The following GRM7 variants were observed in gnomAD, a reference collection of about 807,000 sequenced individuals.
GRM7 encodes glutamate metabotropic receptor 7.
GRM7 carries 35 observed loss-of-function variants against 84.5 expected under a neutral mutation model. The ratio of observed to expected loss-of-function variants is 0.41; its 90% CI spans 0.32 to 0.55. The LOEUF is 0.55. Among genes scored for constraint, GRM7 ranks in the 20% least tolerant of loss-of-function variants. The pLI is 0.19. For missense variants in GRM7, 1,003 were observed against 1,194.6 expected (o/e 0.84, Z 2.36); for synonymous variants, 487 against 455.1 (o/e 1.07, Z -0.89).
At chr3:7,265,409 T>A (rs1422810857) in intron 2 of GRM7, among the ~76,000 whole-genome samples, 1 of 152,250 alleles carries the variant, frequency 6.6e-6, no homozygotes, top group Non-Finnish European at 1.5e-5. Flanking sequence ...AATATTATTA[T>A]CCACATCTTG....
chr3:7,002,023 G>A (rs563604835), intron 1 of GRM7, among the ~76,000 whole-genome samples: 7 of 152,246 alleles, frequency 4.6e-5, no homozygotes, highest in South Asian at 4.2e-4. Context: ...TAAAATAACC[G>A]TAAGTTATAG....
intron 1 of GRM7, among the ~76,000 whole-genome samples, chr3:6,918,334 G>C (rs1339258898): frequency 6.6e-6 from 1 of 152,130 alleles, no homozygotes; most frequent in Non-Finnish European, 1.5e-5. Flanking sequence ...ACGACATAGG[G>C]AATAAACTGT....
In GRM7 at chr3:7,683,872, A is replaced by G. The variant is rs544565717; in HGVS notation, c.2698+3577A>G. ...CAAGGATTTTATTCTAGGAAACTCA[A>G]TTTGAGTCCACATTGGATATAGCTC... On this transcript the variant is annotated intron_variant, in intron 9 of 9. Coordinates refer to ENST00000357716, the MANE Select transcript of GRM7 (RefSeq NM_000844.4). Among the ~76,000 whole-genome samples, 15 of 152,340 alleles carry G rather than the reference A, an allele frequency of 9.8e-5. No homozygotes were observed. The Middle Eastern group carries it at 0.014, about 138-fold the overall frequency.
At chr3:7,531,278 C>A (rs1701026041) in intron 7 of GRM7, among the ~76,000 whole-genome samples, 1 of 151,960 alleles carries the variant, frequency 6.6e-6, no homozygotes. Flanking sequence ...TATCTGAGGC[C>A]TTTTTTTCTG....
chr3:7,529,629 G>A (rs895163446), intron 7 of GRM7, among the ~76,000 whole-genome samples: 4 of 151,936 alleles, frequency 2.6e-5, no homozygotes, highest in Non-Finnish European at 4.4e-5. Context: ...TTCCTAGCCC[G>A]TTGCCTGTAT....
intron 2 of GRM7, among the ~76,000 whole-genome samples, chr3:7,178,960 G>C (rs1695247335): frequency 1.3e-5 from 2 of 151,356 alleles, no homozygotes; most frequent in African/African-American, 4.9e-5. Flanking sequence ...AAAAATACAA[G>C]CTGGGTGTGG....
intron 8 of GRM7, among the ~76,000 whole-genome samples, chr3:7,679,181 T>C (rs981669907): frequency 6.6e-6 from 1 of 152,008 alleles, no homozygotes; most frequent in Non-Finnish European, 1.5e-5. Flanking sequence ...GAACGTTCCA[T>C]ACGTAGGAAA....
At chr3:7,335,095 C>G (rs1334747400) in intron 4 of GRM7, among the ~76,000 whole-genome samples, 1 of 152,046 alleles carries the variant, frequency 6.6e-6, no homozygotes, top group East Asian at 1.9e-4. Flanking sequence ...TTCTACTCAA[C>G]AACTATAGAA....
intron 7 of GRM7, among the ~76,000 whole-genome samples, chr3:7,525,312 G>A (rs1276493743): frequency 6.6e-6 from 1 of 151,982 alleles, no homozygotes; most frequent in African/African-American, 2.4e-5. Context: ...GAATTCTCTG[G>A]TGTTAAAAAT....
chr3:7,345,063 C>A (rs1423534437), intron 4 of GRM7, among the ~76,000 whole-genome samples: 1 of 151,900 alleles, frequency 6.6e-6, no homozygotes, highest in East Asian at 1.9e-4. Context: ...TCAATTAAAA[C>A]TAATTTTTAA....
intron 2 of GRM7, among the ~76,000 whole-genome samples, chr3:7,230,429 A>T (rs1697156469): frequency 1.3e-5 from 2 of 152,186 alleles, no homozygotes; most frequent in African/African-American, 2.4e-5. Context: ...GCTATTGAGT[A>T]GTAAGTGCCT....
chr3:7,279,809 G>T (rs1318524772), intron 2 of GRM7, among the ~76,000 whole-genome samples: 12 of 152,156 alleles, frequency 7.9e-5, no homozygotes, highest in Admixed American at 7.9e-4. Flanking sequence ...GTCTGTGTGT[G>T]TGAGAAAGAG....
At chr3:7,488,185 T>A (rs1170609485) in intron 7 of GRM7, among the ~76,000 whole-genome samples, 1 of 152,206 alleles carries the variant, frequency 6.6e-6, no homozygotes, top group Non-Finnish European at 1.5e-5. Flanking sequence ...ATTAGATAAC[T>A]TATTTTTCAT....
intron 5 of GRM7, among the ~76,000 whole-genome samples, chr3:7,444,154 A>G (rs955210098): frequency 5.3e-5 from 8 of 152,190 alleles, no homozygotes; most frequent in African/African-American, 1.9e-4. Flanking sequence ...AGATTCATGA[A>G]TGTCCTGAAA....
chr3:7,096,294 C>G (rs1386116469), intron 1 of GRM7, among the ~76,000 whole-genome samples: 6 of 152,058 alleles, frequency 3.9e-5, no homozygotes, highest in African/African-American at 1.4e-4. Flanking sequence ...ACAAGACTGT[C>G]TTTAATTCAA....
At chr3:7,350,783 CGATGGTGCTCT>C (rs1443624245) in intron 4 of GRM7, among the ~76,000 whole-genome samples, 2 of 151,948 alleles carry the variant, frequency 1.3e-5, no homozygotes, top group African/African-American at 4.8e-5. Context: ...GAGTCTTCTC[CGATGGTGCTCT>C]GATATTCCAA....
At chr3:7,620,198 T>C (rs545197749) in intron 8 of GRM7, among the ~76,000 whole-genome samples, 8 of 152,148 alleles carry the variant, frequency 5.3e-5, no homozygotes, top group Non-Finnish European at 1.2e-4. Flanking sequence ...TTTGCTTCCA[T>C]TGCCAGATTT....
intron 1 of GRM7, among the ~76,000 whole-genome samples, chr3:6,967,019 A>T (rs1693547353): frequency 2.0e-5 from 3 of 152,198 alleles, no homozygotes; most frequent in Admixed American, 2.0e-4. Context: ...ACTCTATTAT[A>T]GCACAGTGAC....
chr3:7,574,582 A>C (rs2125049440), intron 7 of GRM7, among the ~76,000 whole-genome samples: 1 of 152,346 alleles, frequency 6.6e-6, no homozygotes. Context: ...ACGTGTCAAA[A>C]CGCTAACCAA....
Sources: allele counts gnomAD v4.1 joint callset (sites outside exome capture counted in the v4.1 genomes callset), GRCh38; gene constraint gnomAD v4.1.1; transcripts MANE v1.5; gene names NCBI Gene and HGNC (gene_info 2026-07-23, HGNC 2026-07-21).